The following USP20 variants were observed in gnomAD, a reference collection of about 807,000 sequenced individuals.
USP20 encodes the protein ubiquitin specific peptidase 20.
A neutral mutation model predicts 124.2 loss-of-function variants in USP20; 80 were observed. The ratio of observed to expected loss-of-function variants is 0.64; its 90% CI spans 0.54 to 0.78. USP20 has a LOEUF of 0.78. USP20 is among the 30% of genes least tolerant of loss of function. USP20 has a pLI of 0.00. For missense variants in USP20, 1,043 were observed against 1,244.4 expected (o/e 0.84, Z 2.44); for synonymous variants, 481 against 512.3 (o/e 0.94, Z 0.83).
chr9:129,868,216 G>A lies in USP20; in HGVS notation c.902G>A (p.Gly301Asp). 1 of 1,613,912 alleles carries A rather than the reference G, an allele frequency of 6.2e-7. No individual in the cohort carries two copies. The change falls in exon 11 of 26, where the codon GGC becomes GAC. Residue 301 changes from glycine (G) to aspartate (D), a missense_variant. Transcript: ENST00000372429. ...DRGEGDGQGR[G>D]GGSSQAETEL... ...GGTGAGGGTGACGGGCAGGGGCGTG[G>A]CGGGGGCAGCTCGCAGGCCGAGACG... is the stretch of plus-strand genomic sequence containing the variant.
chr9:129,878,601 C>G (rs1212799292), intron 23 of USP20, among the ~76,000 whole-genome samples, 161 bp downstream of exon 23: 1 of 152,172 alleles, frequency 6.6e-6, no homozygotes, highest in African/African-American at 2.4e-5. Flanking sequence ...CTTTGCCAGT[C>G]CCCAGTGGGG....
At chr9:129,853,786 G>A (rs1271470117) in intron 3 of USP20, among the ~76,000 whole-genome samples, 1 of 152,126 alleles carries the variant, frequency 6.6e-6, no homozygotes, top group Non-Finnish European at 1.5e-5. Context: ...TGAGAGCAGG[G>A]GGGGGATGAA....
chr9:129,880,231 G>A lies in USP20; in HGVS notation c.2703G>A (p.Leu901=). 1 of 1,612,698 alleles carries A rather than the reference G, an allele frequency of 6.2e-7. No individual in the cohort carries two copies. The highest frequency in any genetic ancestry group is 8.5e-7 in the Non-Finnish European group (1 of 1,179,680). The stretch of plus-strand genomic sequence containing the variant: ...CGCAGCCGCTGGGCCCAGAGAACCT[G>A]CACGGGGAGCAGAAGATCGAAGCCG... The part of the protein sequence containing the change: ...SVAQPLGPEN[L]HGEQKIEAET... Residue 901 remains leucine (L), a synonymous_variant, in exon 25 of 26, where the codon CTG becomes CTA. Transcript: ENST00000372429.
At chr9:129,843,386 C>G (rs1454553518) in intron 1 of USP20, among the ~76,000 whole-genome samples, 1 of 151,734 alleles carries the variant, frequency 6.6e-6, no homozygotes, top group African/African-American at 2.4e-5. Context: ...GCAGAGATCA[C>G]GCCACTGCAG....
At chr9:129,878,522 CA>C in intron 23 of USP20, 82 bp downstream of exon 23, 4 of 1,286,854 alleles carry the variant, frequency 3.1e-6, no homozygotes, top group Non-Finnish European at 2.1e-6. Flanking sequence ...GGCTGGCACA[CA>C]GGGGCTCCTG....
intron 14 of USP20, chr9:129,870,063 C>T (rs2034039412): frequency 2.0e-5 from 12 of 614,674 alleles, no homozygotes; most frequent in South Asian, 1.0e-4. Context: ...AGCTGGAGGG[C>T]GATGGACAGC....
rs1248760282 is a variant in USP20, at chr9:129,858,492, A to G, written c.224A>G (p.Asn75Ser). The G allele has an allele frequency of 6.2e-7, 1 of 1,614,048 alleles. No individual in the cohort carries two copies. The highest frequency in any genetic ancestry group is 2.2e-5 in the East Asian group (1 of 44,888). The change falls in exon 6 of 26, where the codon AAC becomes AGC. Residue 75 changes from asparagine (N) to serine (S), a missense_variant. Physicochemically the swap from Asn to Ser is conservative, Grantham distance 46. Transcript: ENST00000372429. ...GCAAAAAAGCACAACTTGACCGTGA[A>G]CCTGACCACGTTCCGACTGTGGTGT... is the stretch of plus-strand genomic sequence containing the variant. ...AQAKKHNLTV[N>S]LTTFRLWCYA...
chr9:129,843,692 A>G (rs7852271), intron 1 of USP20, among the ~76,000 whole-genome samples: 22,660 of 151,974 alleles, frequency 0.15, 2,256 homozygotes, highest in African/African-American at 0.27. Context: ...AGCCGAGATC[A>G]CACCACTGCA....
chr9:129,860,335 G>A (rs10988534), intron 6 of USP20, among the ~76,000 whole-genome samples: 60 of 149,314 alleles, frequency 4.0e-4, no homozygotes, highest in African/African-American at 4.2e-4. Flanking sequence ...GTCTCAAAAA[G>A]AAAAAAAAAA....
rs1169724263 is a variant in USP20, at chr9:129,846,245, A to ATT, written c.-128-3567_-128-3566insTT. Among the ~76,000 whole-genome samples the ATT allele has an allele frequency of 8.8e-3, 383 of 43,348 alleles. 31 individuals carry two copies. Among genetic ancestry groups the ATT allele is most frequent in the Middle Eastern group, 0.024 (1 of 42 alleles). 28.4% of individuals were successfully genotyped at this position (43,348 alleles called of 152,430 possible). A position where few individuals can be genotyped will look rare whatever the true frequency, so the allele number is the denominator to read the frequency against. On this transcript the variant is annotated intron_variant, in intron 1 of 25. Transcript: ENST00000372429. ...CGCCCAGCCATATATATATATATAT[A>ATT]TATTTTTTTTTTTTTTTTTTTTTTT... is the stretch of plus-strand genomic sequence containing the variant.
chr9:129,840,766 C>CTTTTT (rs34092925), intron 1 of USP20, among the ~76,000 whole-genome samples: 1 of 120,478 alleles, frequency 8.3e-6, no homozygotes, highest in African/African-American at 3.1e-5. Context: ...CCTTTAGAAA[C>CTTTTT]TTTTTTTTTT....
At chr9:129,869,231 G>A in intron 12 of USP20, 79 bp from the exon 13 acceptor site, 2 of 1,457,292 alleles carry the variant, frequency 1.4e-6, no homozygotes, top group Middle Eastern at 1.9e-4. Context: ...TCCACATCCT[G>A]TCAAAGGAAG....
At chr9:129,864,118 C>CA (rs2033701407) in intron 9 of USP20, among the ~76,000 whole-genome samples, 1 of 127,546 alleles carries the variant, frequency 7.8e-6, no homozygotes, top group African/African-American at 2.9e-5. Context: ...AAAAAAAAAA[C>CA]AAAAACAAAA....
At chr9:129,852,047 C>T (rs2032950140) in intron 2 of USP20, among the ~76,000 whole-genome samples, 1 of 152,206 alleles carries the variant, frequency 6.6e-6, no homozygotes, top group East Asian at 1.9e-4. Flanking sequence ...AGCACTTGGC[C>T]TCCAGAGGCT....
At position 129,880,459 on chromosome 9, in the gene USP20, C is replaced by G. The variant is rs993967596; in HGVS notation, c.*17-8C>G. The G allele has an allele frequency of 1.3e-6, 1 of 769,678 alleles. No homozygotes were observed. The highest frequency in any genetic ancestry group is 2.0e-6 in the Non-Finnish European group (1 of 495,802). 47.7% of individuals were successfully genotyped at this position (769,678 alleles called of 1,614,324 possible). A position where few individuals can be genotyped will look rare whatever the true frequency, so the allele number is the denominator to read the frequency against. On this transcript the variant is annotated splice_region_variant and splice_polypyrimidine_tract_variant and intron_variant, in intron 25 of 25. Transcript: ENST00000372429. ...CGGCCCCACTGCTGAGTGCCCGTGT[C>G]CCCACAGCCCCATGTGCCCCACCCC...
At chr9:129,872,997 A>G (rs569238121) in intron 15 of USP20, among the ~76,000 whole-genome samples, 2 of 149,512 alleles carry the variant, frequency 1.3e-5, no homozygotes, top group East Asian at 4.0e-4. Context: ...TCTCCCTTGT[A>G]TGGATTCTGG....
chr9:129,878,359 G>C lies in USP20; in HGVS notation c.2431G>C (p.Glu811Gln). The C allele has an allele frequency of 6.2e-7, 1 of 1,601,234 alleles. No individual in the cohort carries two copies. The highest frequency in any genetic ancestry group is 1.7e-4 in the Middle Eastern group (1 of 6,020). The change falls in exon 23 of 26, where the codon GAG (glutamate) becomes CAG (glutamine). Residue 811 changes from glutamate to glutamine, a missense_variant. Coordinates refer to ENST00000372429, the MANE Select transcript of USP20 (RefSeq NM_001110303.4). The stretch of plus-strand genomic sequence containing the variant: ...CCAGTTGAACAAGGCCTTCCAGGCC[G>C]AGGAGTCGCCGGGCGTCATCTACTG... Reference protein sequence around the residue: ...FIKLNKAFQAEESPGVIYCIS... With the variant: ...FIKLNKAFQAQESPGVIYCIS...
rs908632753 is a variant in USP20 at position 129,846,972 on chromosome 9, G to A, written c.-128-2841G>A. Among the ~76,000 whole-genome samples, 5 of 152,148 alleles carry A rather than the reference G, an allele frequency of 3.3e-5. No individual in the cohort carries two copies. In the East Asian group the frequency reaches 5.8e-4, roughly 18 times the overall value. ...GTGTCTTTAGGGTTCATGTTGTAGC[G>A]TGTGTCAAAATTTCCCTTTTTAGGC... On this transcript the variant is annotated intron_variant, in intron 1 of 25. Transcript: ENST00000372429.
intron 22 of USP20, among the ~76,000 whole-genome samples, chr9:129,876,855 C>T (rs2034431718): frequency 6.6e-6 from 1 of 152,028 alleles, no homozygotes; most frequent in Admixed American, 6.6e-5. Flanking sequence ...GTGGGGCCGT[C>T]CTGTGCATTG....
Sources: gnomAD v4.1 joint callset for allele counts (sites outside exome capture counted in the v4.1 genomes callset) on GRCh38, gnomAD v4.1.1 for gene constraint, MANE v1.5 for transcripts, NCBI Gene and HGNC (gene_info 2026-07-23, HGNC 2026-07-21) for gene names.